IKZF2: variants seen among roughly 807,000 people sequenced by gnomAD.
IKZF2 encodes the protein IKAROS family zinc finger 2.
In IKZF2, 15 loss-of-function variants were observed where a neutral mutation model predicts 49.2. The observed-to-expected ratio is 0.30, with a 90% confidence interval of 0.20 to 0.47. IKZF2 has a LOEUF of 0.47. Ranked by LOEUF, IKZF2 falls within the 20% of genes least tolerant of loss-of-function variation. IKZF2 has a pLI of 1.00. For synonymous variants in IKZF2, 227 were observed against 221.4 expected, an observed-to-expected ratio of 1.03 and a Z score of -0.23; for missense variants, 567 against 664.6, an observed-to-expected ratio of 0.85 and a Z score of 1.61.
intron 7 of IKZF2, among the ~76,000 whole-genome samples, chr2:213,018,398 A>G (rs936660465): frequency 6.6e-6 from 1 of 152,024 alleles, no homozygotes; most frequent in Non-Finnish European, 1.5e-5. Flanking sequence ...AACTCAATCA[A>G]CTTTTCTAAG....
At chr2:213,071,756 T>C (rs1702730346) in intron 4 of IKZF2, among the ~76,000 whole-genome samples, 1 of 152,114 alleles carries the variant, frequency 6.6e-6, no homozygotes, top group Non-Finnish European at 1.5e-5. Flanking sequence ...AGCAGAATAT[T>C]TACTGTTGAA....
intron 4 of IKZF2, among the ~76,000 whole-genome samples, chr2:213,119,364 T>G (rs1298603122): frequency 2.0e-5 from 3 of 152,218 alleles, no homozygotes; most frequent in Non-Finnish European, 4.4e-5. Flanking sequence ...CAACCTCATT[T>G]TTTTTAATGA....
Position 213,049,884 on chromosome 2 carries a change from C to T in IKZF2, c.407-4G>A. ...TTACAGTGGAAGGGGCGTTCACCTG[C>T]AGTAAGGAGAAGAAATGGGAAGTAT... On this transcript the variant is annotated splice_polypyrimidine_tract_variant and splice_region_variant and intron_variant, in intron 5 of 8. Transcript: ENST00000434687. 1 of 1,539,784 alleles carries T rather than the reference C, an allele frequency of 6.5e-7. No homozygotes were observed. The highest frequency in any genetic ancestry group is 8.8e-7 in the Non-Finnish European group (1 of 1,135,562).
chr2:213,036,259 T>A (rs1441798389), intron 6 of IKZF2, among the ~76,000 whole-genome samples: 1 of 152,140 alleles, frequency 6.6e-6, no homozygotes, highest in Non-Finnish European at 1.5e-5. Context: ...ATAATCTGTA[T>A]AAGCTGAGGA....
chr2:213,072,482 T>A (rs1470643470), intron 4 of IKZF2, among the ~76,000 whole-genome samples: 1 of 152,068 alleles, frequency 6.6e-6, no homozygotes, highest in Non-Finnish European at 1.5e-5. Flanking sequence ...TTTATTATCA[T>A]TATCGCTCAC....
chr2:213,062,107 T>C (rs947612345), intron 4 of IKZF2, among the ~76,000 whole-genome samples: 2 of 151,626 alleles, frequency 1.3e-5, no homozygotes, highest in African/African-American at 4.8e-5. Flanking sequence ...ATTTTAAATT[T>C]TCAAATTAAG....
chr2:213,038,572 T>G (rs745367491), intron 6 of IKZF2, among the ~76,000 whole-genome samples: 18 of 145,962 alleles, frequency 1.2e-4, no homozygotes, highest in Non-Finnish European at 2.5e-4. Flanking sequence ...ACTTTTTTTC[T>G]GGAAGTCATT....
intron 4 of IKZF2, among the ~76,000 whole-genome samples, chr2:213,102,310 G>C (rs1045460069): frequency 6.6e-6 from 1 of 152,022 alleles, no homozygotes; most frequent in Non-Finnish European, 1.5e-5. Flanking sequence ...TATCCAGCTG[G>C]AGCAAAGGTA....
chr2:213,040,644 A>T (rs1174023462), intron 6 of IKZF2, among the ~76,000 whole-genome samples: 1 of 152,192 alleles, frequency 6.6e-6, no homozygotes, highest in Non-Finnish European at 1.5e-5. Flanking sequence ...TAATTTAAAC[A>T]CTATCCCCTC....
intron 6 of IKZF2, among the ~76,000 whole-genome samples, chr2:213,022,852 A>T (rs1373429805): frequency 2.0e-5 from 3 of 152,222 alleles, no homozygotes; most frequent in African/African-American, 7.2e-5. Context: ...ACATTAAGGA[A>T]ATGAATTATT....
intron 2 of IKZF2, among the ~76,000 whole-genome samples, chr2:213,148,911 A>C (rs1396253687): frequency 6.6e-6 from 1 of 152,168 alleles, no homozygotes; most frequent in East Asian, 1.9e-4. Flanking sequence ...TCTTAATCAA[A>C]ATTTATTGGG....
At chr2:213,025,852 C>T (rs536915073) in intron 6 of IKZF2, among the ~76,000 whole-genome samples, 2 of 152,260 alleles carry the variant, frequency 1.3e-5, no homozygotes, top group African/African-American at 4.8e-5. Context: ...TCTTTTCCTA[C>T]TTCCAAATAG....
chr2:213,025,765 G>A (rs1233413542), intron 6 of IKZF2, among the ~76,000 whole-genome samples: 1 of 152,090 alleles, frequency 6.6e-6, no homozygotes, highest in African/African-American at 2.4e-5. Context: ...TGTTCTGACT[G>A]CCCTTCTTTG....
intron 6 of IKZF2, among the ~76,000 whole-genome samples, chr2:213,036,516 T>C (rs1013878444): frequency 2.6e-5 from 4 of 152,220 alleles, no homozygotes; most frequent in African/African-American, 9.6e-5. Context: ...AATATAAGAA[T>C]ATTCAAATAA....
At chr2:213,108,302 G>A (rs6751536) in intron 4 of IKZF2, among the ~76,000 whole-genome samples, 3,313 of 152,134 alleles carry the variant, frequency 0.022, 124 homozygotes, top group African/African-American at 0.075. Context: ...TCTACATGAC[G>A]TAAATATTTT....
chr2:213,134,927 G>C (rs2060601996), intron 4 of IKZF2, among the ~76,000 whole-genome samples: 2 of 152,106 alleles, frequency 1.3e-5, no homozygotes, highest in African/African-American at 2.4e-5. Context: ...CTCCACTTCT[G>C]AATCTGTTAT....
rs943430059 is a variant in IKZF2, at chr2:213,077,892, C to G, written c.140-20793G>C. On this transcript the variant is annotated intron_variant, in intron 4 of 8. Coordinates refer to ENST00000434687, the MANE Select transcript of IKZF2 (RefSeq NM_001387220.1). The stretch of plus-strand genomic sequence containing the variant: ...TGTGAGCCACCGCACCCGGCCTATT[C>G]TATGTACTTATTTTTTTTAATCATG... Among the ~76,000 whole-genome samples the G allele has an allele frequency of 2.0e-5, 3 of 152,138 alleles. No individual in the cohort carries two copies. The South Asian group carries it at 6.2e-4, about 32-fold the overall frequency.
At chr2:213,038,848 T>C (rs1411988445) in intron 6 of IKZF2, among the ~76,000 whole-genome samples, 1 of 152,242 alleles carries the variant, frequency 6.6e-6, no homozygotes, top group African/African-American at 2.4e-5. Flanking sequence ...ATAAATTCCT[T>C]AGTAAGAGAC....
At chr2:213,072,370 T>C (rs573445660) in intron 4 of IKZF2, among the ~76,000 whole-genome samples, 70 of 151,788 alleles carry the variant, frequency 4.6e-4, no homozygotes, top group African/African-American at 1.6e-3. Context: ...CTTTAAAAAC[T>C]CATTTTGTCG....
Sources: gnomAD v4.1 joint callset for allele counts (sites outside exome capture counted in the v4.1 genomes callset) on GRCh38, gnomAD v4.1.1 for gene constraint, MANE v1.5 for transcripts, NCBI Gene and HGNC (gene_info 2026-07-23, HGNC 2026-07-21) for gene names.